TYW1: variants seen among roughly 807,000 people sequenced by gnomAD.
TYW1 encodes tRNA-yW synthesizing protein 1 homolog, also known as S-adenosyl-L-methionine-dependent tRNA 4-demethylwyosine synthase TYW1.
A neutral mutation model predicts 96.2 loss-of-function variants in TYW1; 46 were observed. The observed-to-expected ratio is 0.48, with a 90% confidence interval of 0.38 to 0.61. The LOEUF (loss-of-function observed/expected upper bound fraction) is 0.61. Among genes scored for constraint, TYW1 ranks in the 20% least tolerant of loss-of-function variants. The pLI, the probability that TYW1 is intolerant of heterozygous loss-of-function variation, is 0.00. For synonymous variants in TYW1, 274 were observed against 323.0 expected, an observed-to-expected ratio of 0.85 and a Z score of 1.63; for missense variants, 684 against 909.6, an observed-to-expected ratio of 0.75 and a Z score of 3.19.
intron 6 of TYW1, among the ~76,000 whole-genome samples, chr7:67,020,911 C>T (rs1794232780): frequency 6.6e-6 from 1 of 152,254 alleles, no homozygotes; most frequent in Admixed American, 6.5e-5. Context: ...ACCTGTAATC[C>T]CAGCTACTCG....
At position 67,055,891 on chromosome 7, in the gene TYW1, T is replaced by C; in HGVS notation, c.1155+4T>C. On this transcript the variant is annotated splice_donor_region_variant and intron_variant, in intron 9 of 15. Coordinates refer to ENST00000359626, the MANE Select transcript of TYW1 (RefSeq NM_018264.4). Reference sequence around the variant, plus strand: ...GAAGCTTTGCAGGTGGACAAAGGTATTTTTTTTGTTTTTATTCAATATGTC... The same window carrying C: ...GAAGCTTTGCAGGTGGACAAAGGTACTTTTTTTGTTTTTATTCAATATGTC... The C allele has an allele frequency of 1.3e-6, 2 of 1,590,962 alleles. No homozygotes were observed. Among genetic ancestry groups the C allele is most frequent in the South Asian group, 1.1e-5 (1 of 88,504 alleles).
intron 13 of TYW1, among the ~76,000 whole-genome samples, chr7:67,179,064 G>C (rs1259659024): frequency 7.1e-6 from 1 of 141,688 alleles, no homozygotes; most frequent in East Asian, 1.9e-4. Context: ...GAAGGGTACA[G>C]CTCCTTGCAG....
intron 9 of TYW1, among the ~76,000 whole-genome samples, chr7:67,057,159 C>T (rs1431469993): frequency 6.6e-5 from 10 of 151,656 alleles, no homozygotes; most frequent in Non-Finnish European, 8.8e-5. Context: ...GGACTACAGG[C>T]GCGCACCACC....
rs779904853 is a variant in TYW1, at chr7:67,055,864, G to A, written c.1132G>A (p.Val378Met). Residue 378 changes from valine (V) to methionine (M), a missense_variant, in exon 9 of 16, where the codon GTG becomes ATG. Transcript: ENST00000359626. The stretch of plus-strand genomic sequence containing the variant: ...TCAGTTGATTGGGAGCCACTCGGGG[G>A]TGAAGCTTTGCAGGTGGACAAAGGT... ...GYQLIGSHSG[V>M]KLCRWTKSML... 11 of 1,613,020 alleles carry A rather than the reference G, an allele frequency of 6.8e-6. No homozygotes were observed. The highest frequency in any genetic ancestry group is 2.2e-5 in the South Asian group (2 of 90,898).
At chr7:67,117,345 CT>C in intron 12 of TYW1, 137 bp from the exon 13 acceptor site, 2 of 935,070 alleles carry the variant, frequency 2.1e-6, no homozygotes, top group Non-Finnish European at 1.5e-6. Context: ...TTAGTTCAGT[CT>C]TTTGGGGGAA....
At chr7:67,151,112 G>A (rs1829745) in intron 13 of TYW1, among the ~76,000 whole-genome samples, 25 of 150,920 alleles carry the variant, frequency 1.7e-4, no homozygotes, top group Non-Finnish European at 1.5e-4. Flanking sequence ...GTGTAGTGGC[G>A]AGATCTTGGC....
chr7:67,114,981 C>T (rs1797548180), intron 12 of TYW1, among the ~76,000 whole-genome samples: 1 of 152,036 alleles, frequency 6.6e-6, no homozygotes, highest in Admixed American at 6.6e-5. Flanking sequence ...TATTGGACTT[C>T]CTTGAGTGTA....
intron 15 of TYW1, among the ~76,000 whole-genome samples, chr7:67,210,873 T>TATCCATCTGTCCATCCATCTATCC: frequency 6.7e-6 from 1 of 149,094 alleles, no homozygotes; most frequent in Middle Eastern, 3.5e-3. Flanking sequence ...ATCATCTATC[T>TATCCATCTGTCCATCCATCTATCC]ATCCATCTGT....
At chr7:67,164,699 C>T (rs1799267280) in intron 13 of TYW1, among the ~76,000 whole-genome samples, 2 of 152,214 alleles carry the variant, frequency 1.3e-5, no homozygotes, top group African/African-American at 4.8e-5. Context: ...AATAAGTCTC[C>T]CTCTCTTTCT....
At chr7:67,091,723 A>G (rs1584548790) in intron 11 of TYW1, among the ~76,000 whole-genome samples, 1 of 152,198 alleles carries the variant, frequency 6.6e-6, no homozygotes, top group Admixed American at 6.5e-5. Flanking sequence ...ACATGCTCTT[A>G]TGAAGGAGAG....
chr7:67,042,012 A>G (rs1407664073), intron 7 of TYW1, among the ~76,000 whole-genome samples: 1 of 138,566 alleles, frequency 7.2e-6, no homozygotes, highest in Non-Finnish European at 1.5e-5. Context: ...ATGTATAATT[A>G]TATTAGAATT....
At chr7:67,052,884 C>G (rs759582628) in intron 8 of TYW1, among the ~76,000 whole-genome samples, 12 of 151,484 alleles carry the variant, frequency 7.9e-5, no homozygotes, top group East Asian at 3.9e-4. Context: ...TGAGTAATTG[C>G]GTGCCCACTA....
intron 13 of TYW1, among the ~76,000 whole-genome samples, chr7:67,123,039 A>G (rs1034806171): frequency 4.6e-5 from 7 of 152,162 alleles, no homozygotes; most frequent in African/African-American, 1.7e-4. Flanking sequence ...AGTCAATGAA[A>G]TATATCTTCT....
chr7:67,186,206 C>A (rs1409663705), intron 14 of TYW1, among the ~76,000 whole-genome samples: 2 of 143,532 alleles, frequency 1.4e-5, no homozygotes, highest in Non-Finnish European at 3.0e-5. Flanking sequence ...TGTAGTAAAA[C>A]CTCTATTATA....
chr7:67,167,748 A>G (rs1799388941), intron 13 of TYW1, among the ~76,000 whole-genome samples: 1 of 151,122 alleles, frequency 6.6e-6, no homozygotes, highest in South Asian at 2.1e-4. Context: ...ATTTGTTTTT[A>G]TTTATTTATA....
chr7:67,112,566 A>C (rs1338445903), intron 12 of TYW1, among the ~76,000 whole-genome samples: 1 of 151,932 alleles, frequency 6.6e-6, no homozygotes, highest in Non-Finnish European at 1.5e-5. Flanking sequence ...TGGTGAGCCA[A>C]GATCATGCCC....
At chr7:67,202,745 T>C (rs1260266169) in intron 15 of TYW1, among the ~76,000 whole-genome samples, 1 of 152,152 alleles carries the variant, frequency 6.6e-6, no homozygotes, top group Non-Finnish European at 1.5e-5. Flanking sequence ...GAGTGCAAAC[T>C]GCTGCAGTCA....
At chr7:67,096,172 G>T (rs1180060239) in intron 11 of TYW1, among the ~76,000 whole-genome samples, 1 of 152,122 alleles carries the variant, frequency 6.6e-6, no homozygotes, top group East Asian at 1.9e-4. Flanking sequence ...GGCAGATCAC[G>T]AGGTCAGGAG....
chr7:67,153,931 T>C (rs1798885075), intron 13 of TYW1, among the ~76,000 whole-genome samples: 1 of 149,270 alleles, frequency 6.7e-6, no homozygotes, highest in Non-Finnish European at 1.5e-5. Context: ...CTTTCTTTTT[T>C]TTTTTTTTTT....
Sources: allele counts gnomAD v4.1 joint callset (sites outside exome capture counted in the v4.1 genomes callset), GRCh38; gene constraint gnomAD v4.1.1; transcripts MANE v1.5; gene names NCBI Gene and HGNC (gene_info 2026-07-23, HGNC 2026-07-21).